SVEP1: variants seen among roughly 807,000 people sequenced by gnomAD.
SVEP1 encodes sushi, von Willebrand factor type A, EGF and pentraxin domain-containing protein 1.
Under a neutral mutation model 367.3 loss-of-function variants are expected in SVEP1, and 164 were observed. The ratio of observed to expected loss-of-function variants is 0.45; its 90% confidence interval spans 0.39 to 0.51. The LOEUF is 0.51. SVEP1 is among the 20% of genes least tolerant of loss of function. The pLI is 0.00. For synonymous variants in SVEP1, 1,666 were observed against 1,611.6 expected, an observed-to-expected ratio of 1.03 and a Z score of -0.81; for missense variants, 4,117 against 4,425.3, an observed-to-expected ratio of 0.93 and a Z score of 1.98.
chr9:110,528,154 G>GTATATATATATATA (rs1265572366), intron 3 of SVEP1, among the ~76,000 whole-genome samples: 10 of 25,718 alleles, frequency 3.9e-4, no homozygotes, highest in South Asian at 1.5e-3. Context: ...GTGTGTGTGT[G>GTATATATATATATA]TGTATATATA....
intron 37 of SVEP1, among the ~76,000 whole-genome samples, chr9:110,409,521 C>G: frequency 6.6e-6 from 1 of 152,098 alleles, no homozygotes; most frequent in South Asian, 2.1e-4. Context: ...AGTAAAAGAT[C>G]AGTAATCTAT....
chr9:110,389,264 A>T (rs539992901), intron 41 of SVEP1, among the ~76,000 whole-genome samples: 1 of 152,254 alleles, frequency 6.6e-6, no homozygotes, highest in East Asian at 1.9e-4. Flanking sequence ...ATAATTAACT[A>T]GTTTTTAAAC....
At chr9:110,410,988 T>G in intron 37 of SVEP1, 75 bp downstream of exon 37, 8 of 1,352,954 alleles carry the variant, frequency 5.9e-6, no homozygotes, top group Non-Finnish European at 7.9e-6. Flanking sequence ...TTGGACTCAA[T>G]TATTTGTTTT....
At chr9:110,511,694 G>C (rs1233209035) in intron 5 of SVEP1, among the ~76,000 whole-genome samples, 2 of 151,216 alleles carry the variant, frequency 1.3e-5, no homozygotes, top group South Asian at 4.2e-4. Context: ...TTGTCTTTTG[G>C]GGATACCATG....
At chr9:110,467,196 C>T (rs541392648) in intron 17 of SVEP1, among the ~76,000 whole-genome samples, 1 of 152,230 alleles carries the variant, frequency 6.6e-6, no homozygotes, top group Non-Finnish European at 1.5e-5. Context: ...AAAACGTTTC[C>T]ATCAGGAACT....
intron 17 of SVEP1, 99 bp downstream of exon 17, chr9:110,468,841 A>G: frequency 8.1e-7 from 1 of 1,233,230 alleles, no homozygotes; most frequent in Non-Finnish European, 1.1e-6. Flanking sequence ...GGCCTCAGAC[A>G]AGAGCCGAGT....
chr9:110,466,029 GA>G lies in SVEP1; in HGVS notation c.3161-4del. ...GTAGGTGCCTTGTTTACACTGAGCT[GA>G]AAAGAAAAAGGTAATATTACTATCA... On this transcript the variant is annotated splice_region_variant and splice_polypyrimidine_tract_variant and intron_variant, in intron 17 of 47. Coordinates refer to ENST00000374469, the MANE Select transcript of SVEP1 (RefSeq NM_153366.4). 1 of 1,608,572 alleles carries G rather than the reference GA, an allele frequency of 6.2e-7. No homozygotes were observed. The highest frequency in any genetic ancestry group is 1.3e-5 in the African/African-American group (1 of 74,754).
At chr9:110,425,035 C>T (rs557285206) in intron 36 of SVEP1, among the ~76,000 whole-genome samples, 30 of 152,124 alleles carry the variant, frequency 2.0e-4, no homozygotes, top group African/African-American at 7.0e-4. Context: ...AAGAAATGAA[C>T]AAGAGAGAGG....
In SVEP1 at chr9:110,379,436, T is replaced by C; in HGVS notation, c.10319A>G (p.Tyr3440Cys). 1 of 1,613,660 alleles carries C rather than the reference T, an allele frequency of 6.2e-7. No homozygotes were observed. The highest frequency in any genetic ancestry group is 2.2e-5 in the East Asian group (1 of 44,850). Residue 3440 changes from tyrosine (Y) to cysteine (C), a missense_variant, in exon 44 of 48, where the codon TAC becomes TGC. Coordinates refer to ENST00000374469, the MANE Select transcript of SVEP1 (RefSeq NM_153366.4). ...VHYQYGDMIT[Y>C]SCYSGYMLEG... ...CAACATGTATCCACTGTAACATGAG[T>C]AGGTGATCATGTCTCCATATTGATA...
chr9:110,403,296 G>GTGTTTTTTTT, intron 39 of SVEP1, among the ~76,000 whole-genome samples: 2 of 43,460 alleles, frequency 4.6e-5, no homozygotes, highest in South Asian at 2.7e-3. Context: ...CGCCACCGCC[G>GTGTTTTTTTT]TTTTTTTTTT....
intron 40 of SVEP1, among the ~76,000 whole-genome samples, chr9:110,390,053 G>GTGTA (rs1554710690): frequency 2.5e-5 from 3 of 120,550 alleles, no homozygotes; most frequent in African/African-American, 9.0e-5. Flanking sequence ...ATATATACAC[G>GTGTA]TATATATATA....
intron 1 of SVEP1, among the ~76,000 whole-genome samples, chr9:110,558,112 A>T (rs1284267074): frequency 6.6e-6 from 1 of 152,142 alleles, no homozygotes; most frequent in East Asian, 1.9e-4. Flanking sequence ...AAAAACACAA[A>T]ACATCTAGAG....
intron 36 of SVEP1, among the ~76,000 whole-genome samples, chr9:110,423,168 T>TAAAAAAAAAAAA: frequency 6.8e-5 from 7 of 103,646 alleles, no homozygotes; most frequent in East Asian, 2.5e-4. Flanking sequence ...AAAAATAAAG[T>TAAAAAAAAAAAA]AAAAAAAAAA....
chr9:110,505,819 C>CTTT (rs565499379), intron 5 of SVEP1, among the ~76,000 whole-genome samples: 1 of 147,064 alleles, frequency 6.8e-6, no homozygotes, highest in Admixed American at 6.8e-5. Flanking sequence ...TCTTTTCTCT[C>CTTT]TTTTTTTTTT....
intron 36 of SVEP1, 114 bp downstream of exon 36, chr9:110,427,477 T>C: frequency 5.5e-6 from 7 of 1,282,772 alleles, no homozygotes; most frequent in Non-Finnish European, 5.4e-6. Context: ...AAGGCTCTCT[T>C]TGTCTTTGGC....
chr9:110,375,536 A>C, intron 45 of SVEP1, 73 bp from the exon 46 acceptor site: 1 of 1,354,232 alleles, frequency 7.4e-7, no homozygotes, highest in Non-Finnish European at 1.0e-6. Flanking sequence ...TACACATCTT[A>C]GATAGGTTCA....
chr9:110,397,972 C>T (rs1288907725), intron 40 of SVEP1, among the ~76,000 whole-genome samples: 1 of 148,174 alleles, frequency 6.7e-6, no homozygotes, highest in African/African-American at 2.5e-5. Context: ...TGACTTTCTT[C>T]ACAGAATTGG....
chr9:110,378,976 T>TC (rs944398581), intron 44 of SVEP1, among the ~76,000 whole-genome samples: 1 of 152,114 alleles, frequency 6.6e-6, no homozygotes, highest in African/African-American at 2.4e-5. Context: ...ATTATTTAGT[T>TC]CCTTGGTTTT....
chr9:110,443,884 G>A (rs148782638), intron 26 of SVEP1, among the ~76,000 whole-genome samples, 164 bp from the exon 27 acceptor site: 239 of 152,118 alleles, frequency 1.6e-3, no homozygotes, highest in African/African-American at 5.5e-3. Flanking sequence ...TTTTGTAGAA[G>A]CAGATTTGAT....
Sources: allele counts gnomAD v4.1 joint callset (sites outside exome capture counted in the v4.1 genomes callset), GRCh38; gene constraint gnomAD v4.1.1; transcripts MANE v1.5; gene names NCBI Gene and HGNC (gene_info 2026-07-23, HGNC 2026-07-21).